VWA3B: variants seen among roughly 807,000 people sequenced by gnomAD.
The protein encoded by VWA3B is von Willebrand factor A domain-containing protein 3B.
In VWA3B, 138 loss-of-function variants were observed where a neutral mutation model predicts 158.3. The observed-to-expected ratio is 0.87, with a 90% CI of 0.76 to 1.00. VWA3B has a LOEUF of 1.00. VWA3B is among the 50% of genes least tolerant of loss of function. VWA3B has a pLI of 0.00. For missense variants in VWA3B, 1,555 were observed against 1,565.1 expected (o/e 0.99, Z 0.11); for synonymous variants, 596 against 587.3 (o/e 1.01, Z -0.21).
chr2:98,162,107 C>A lies in VWA3B; in HGVS notation c.989-744C>A, dbSNP rs369246798. Among the ~76,000 whole-genome samples, 48 of 152,248 alleles carry A rather than the reference C, an allele frequency of 3.2e-4. No homozygotes were observed. The East Asian group carries it at 5.4e-3, about 17-fold the overall frequency. On this transcript the variant is annotated intron_variant, in intron 7 of 27. Transcript: ENST00000477737. ...TACAGTTAAGGTAGCAGGACAGGACCTCTCACCGTGCACCTCTGCATGGCA... is the reference window on the plus strand; with the variant it reads ...TACAGTTAAGGTAGCAGGACAGGACATCTCACCGTGCACCTCTGCATGGCA...
intron 10 of VWA3B, among the ~76,000 whole-genome samples, chr2:98,191,804 G>GCT (rs1217057045): frequency 6.6e-6 from 1 of 152,162 alleles, no homozygotes; most frequent in Non-Finnish European, 1.5e-5. Flanking sequence ...TCTGGAGCAT[G>GCT]CTCTCTCTCC....
chr2:98,188,370 A>G (rs1311635313), intron 10 of VWA3B, among the ~76,000 whole-genome samples: 1 of 152,104 alleles, frequency 6.6e-6, no homozygotes, highest in African/African-American at 2.4e-5. Flanking sequence ...AAATTCTCTC[A>G]TTTAGCTTTT....
At position 98,236,619 on chromosome 2, in the gene VWA3B, G is replaced by A; in HGVS notation, c.2562G>A (p.Leu854=). ...SSENWLKTYG[L]VAKKLTLMDA... is the part of the protein sequence containing the mutation. ...AAAACTGGCTGAAGACCTATGGCTTGGTCGCCAAGAAACTCACCCTCATGG... is the reference window on the plus strand; with the variant it reads ...AAAACTGGCTGAAGACCTATGGCTTAGTCGCCAAGAAACTCACCCTCATGG... Residue 854 remains leucine (L), a synonymous_variant, in exon 19 of 28, where the codon TTG becomes TTA. Transcript: ENST00000477737. 1.9e-6 allele frequency: 3 copies of A among 1,613,912 alleles called. No homozygotes were observed. Among genetic ancestry groups the A allele is most frequent in the South Asian group, 1.1e-5 (1 of 91,076 alleles).
chr2:98,248,867 CTT>C (rs368684828), intron 19 of VWA3B, among the ~76,000 whole-genome samples: 32,187 of 74,704 alleles, frequency 0.43, 4,406 homozygotes, highest in East Asian at 0.58. Flanking sequence ...TTCTTTCTTT[CTT>C]TCTTTCTTTC....
rs1277293714 is a variant in VWA3B, at chr2:98,207,680, A to G, written c.1738-4250A>G. The G allele has an allele frequency of 7.1e-6, 3 of 423,782 alleles. No individual in the cohort carries two copies. In the Admixed American group the frequency reaches 8.1e-5, roughly 11 times the overall value. The allele number at this position is 423,782 out of a possible 1,614,324, so 26.3% of individuals were successfully genotyped here. A position where few individuals can be genotyped will look rare whatever the true frequency, so the allele number is the denominator to read the frequency against. ...GAACGGGCCTTCAGTGATGGAACCC[A>G]TTGAAGAAGGTTTGGCAGAAGCTGA... On this transcript the variant is annotated intron_variant, in intron 12 of 27. Coordinates refer to ENST00000477737, the MANE Select transcript of VWA3B (RefSeq NM_144992.5).
At chr2:98,110,847 T>G (rs1372380582) in intron 2 of VWA3B, among the ~76,000 whole-genome samples, 1 of 152,250 alleles carries the variant, frequency 6.6e-6, no homozygotes, top group Non-Finnish European at 1.5e-5. Flanking sequence ...AAGGCAGGTC[T>G]TTCTCTTGCT....
At chr2:98,210,852 A>G (rs1683450008) in intron 12 of VWA3B, among the ~76,000 whole-genome samples, 1 of 152,074 alleles carries the variant, frequency 6.6e-6, no homozygotes, top group Non-Finnish European at 1.5e-5. Context: ...AGTCAGAATA[A>G]CCTCCTAGGC....
At chr2:98,284,852 G>A (rs945154774) in intron 22 of VWA3B, among the ~76,000 whole-genome samples, 2 of 152,116 alleles carry the variant, frequency 1.3e-5, no homozygotes, top group African/African-American at 4.8e-5. Flanking sequence ...AAAAATCTAG[G>A]ATGGAAAATC....
At chr2:98,142,218 C>T (rs1676829174) in intron 7 of VWA3B, among the ~76,000 whole-genome samples, 1 of 152,180 alleles carries the variant, frequency 6.6e-6, no homozygotes, top group South Asian at 2.1e-4. Context: ...GAACAGCTCT[C>T]TGCTGCTCCC....
intron 7 of VWA3B, among the ~76,000 whole-genome samples, chr2:98,142,759 A>AAAC (rs1676879923): frequency 6.6e-6 from 1 of 152,172 alleles, no homozygotes; most frequent in Non-Finnish European, 1.5e-5. Flanking sequence ...TGATGTTCTA[A>AAAC]AACAACACTT....
chr2:98,247,549 G>T lies in VWA3B; in HGVS notation c.2674-2769G>T, dbSNP rs7572158. Among the ~76,000 whole-genome samples, 8 of 152,198 alleles carry T rather than the reference G, an allele frequency of 5.3e-5. No homozygotes were observed. The East Asian group carries it at 7.7e-4, about 15-fold the overall frequency. On this transcript the variant is annotated intron_variant, in intron 19 of 27. Transcript: ENST00000477737. ...TAAAAAGCATCTTTAGTTTTCTCTT[G>T]GCTGTTGAGTGATAGTTTAGCTGGA...
At position 98,181,139 on chromosome 2, in the gene VWA3B, G is replaced by C. The variant is rs765263509; in HGVS notation, c.1238G>C (p.Cys413Ser). 3 of 1,614,214 alleles carry C rather than the reference G, an allele frequency of 1.9e-6. No individual in the cohort carries two copies. The highest frequency in any genetic ancestry group is 1.3e-5 in the African/African-American group (1 of 75,048). The change falls in exon 9 of 28, where the codon TGC (cysteine) becomes TCC (serine). Residue 413 changes from cysteine (C) to serine (S), a missense_variant. Coordinates refer to ENST00000477737, the MANE Select transcript of VWA3B (RefSeq NM_144992.5). ...TCCTTGTATGATGTGCTTGCCGACTGCTCTTTCCGCCACGCTGATGGGGTT... is the reference window on the plus strand; with the variant it reads ...TCCTTGTATGATGTGCTTGCCGACTCCTCTTTCCGCCACGCTGATGGGGTT... ...KLSLYDVLAD[C>S]SFRHADGVVD...
chr2:98,162,486 A>G (rs572750786), intron 7 of VWA3B, among the ~76,000 whole-genome samples: 1 of 152,134 alleles, frequency 6.6e-6, no homozygotes, highest in Non-Finnish European at 1.5e-5. Flanking sequence ...TGCTTTCACA[A>G]CATTCCATTG....
chr2:98,270,403 A>C (rs1688123070), intron 21 of VWA3B, among the ~76,000 whole-genome samples: 1 of 152,238 alleles, frequency 6.6e-6, no homozygotes, highest in African/African-American at 2.4e-5. Flanking sequence ...TATGTGTATC[A>C]TACTTCTTTA....
chr2:98,184,620 T>TC, intron 9 of VWA3B, among the ~76,000 whole-genome samples: 1 of 152,124 alleles, frequency 6.6e-6, no homozygotes, highest in South Asian at 2.1e-4. Flanking sequence ...ACTCCTAAAA[T>TC]CCCCCCACCC....
chr2:98,182,182 G>C lies in VWA3B; in HGVS notation c.1311+970G>C, dbSNP rs984838977. ...GAGACACCTGGGAAAGAAAATCAAG[G>C]CCCCCCCCTCAAATGCAGTGTCACC... On this transcript the variant is annotated intron_variant, in intron 9 of 27. Transcript: ENST00000477737. Among the ~76,000 whole-genome samples the C allele has an allele frequency of 5.3e-5, 8 of 151,750 alleles. No homozygotes were observed. In the South Asian group the frequency reaches 1.0e-3, roughly 20 times the overall value.
downstream of VWA3B, among the ~76,000 whole-genome samples, chr2:98,316,087 T>C (rs1691079222): frequency 2.0e-5 from 3 of 152,250 alleles, no homozygotes; most frequent in Admixed American, 2.0e-4. Context: ...CACCATATTT[T>C]CATCAACTAA....
At chr2:98,207,723 A>G in intron 12 of VWA3B, 1 of 390,292 alleles carries the variant, frequency 2.6e-6, no homozygotes, top group Non-Finnish European at 5.0e-6. Context: ...GCTGAAGAGC[A>G]CTTATTGTGA....
chr2:98,287,463 T>G (rs1402781509), intron 22 of VWA3B, among the ~76,000 whole-genome samples: 1 of 152,190 alleles, frequency 6.6e-6, no homozygotes, highest in Non-Finnish European at 1.5e-5. Flanking sequence ...TCAAATTGAT[T>G]GGGAATTAAA....
Sources: gnomAD v4.1 joint callset for allele counts (sites outside exome capture counted in the v4.1 genomes callset) on GRCh38, gnomAD v4.1.1 for gene constraint, MANE v1.5 for transcripts, NCBI Gene and HGNC (gene_info 2026-07-23, HGNC 2026-07-21) for gene names.